The following THOC2 variants were observed in gnomAD, a reference collection of about 807,000 sequenced individuals.
THOC2 encodes THO complex subunit 2.
In THOC2, 10 loss-of-function variants were observed where a neutral mutation model predicts 128.4. The observed-to-expected ratio is 0.08, with a 90% CI of 0.05 to 0.13. THOC2 has a LOEUF of 0.13. Ranked by LOEUF, THOC2 falls within the 10% of genes least tolerant of loss-of-function variation. THOC2 has a pLI of 1.00. For missense variants in THOC2, 535 were observed against 1,155.7 expected (o/e 0.46, Z 7.79); for synonymous variants, 393 against 396.9 (o/e 0.99, Z 0.12).
chrX:123,638,769 T>TACACAC (rs745502483), intron 17 of THOC2, among the ~76,000 whole-genome samples, 165 bp downstream of exon 17: 7 of 93,597 alleles, frequency 7.5e-5, no homozygotes, highest in African/African-American at 1.9e-4. Context: ...CTCTCTCACA[T>TACACAC]ACACACACAC....
intron 1 of THOC2, among the ~76,000 whole-genome samples, chrX:123,720,608 C>T (rs1194635655): frequency 8.9e-6 from 1 of 111,819 alleles, no homozygotes; most frequent in African/African-American, 3.2e-5. Context: ...GATAGCTGCA[C>T]TCCCATGTTC....
In THOC2 at chrX:123,706,935, G is replaced by A; in HGVS notation, c.145C>T (p.Leu49Phe). The change falls in exon 3 of 39, where the codon CTC becomes TTC. Residue 49 changes from leucine to phenylalanine, a missense_variant. Leu to Phe is a conservative substitution (Grantham distance 22). Coordinates refer to ENST00000245838, the MANE Select transcript of THOC2 (RefSeq NM_001081550.2). The part of the protein sequence containing the change: ...SSTYRDFQQA[L>F]YELSYHVIKG... ...ATTACATGATATGACAACTCATAGA[G>A]AGCTTGCTGGAAATCTGTTGAACAT... The A allele has an allele frequency of 8.9e-7, 1 of 1,126,969 alleles. No individual in the cohort carries two copies. Among genetic ancestry groups the A allele is most frequent in the Non-Finnish European group, 1.2e-6 (1 of 841,515 alleles). 92.9% of individuals were successfully genotyped at this position (1,126,969 alleles called of 1,213,427 possible).
At chrX:123,603,924 G>A (rs2147503320) in intron 38 of THOC2, 1 of 127,908 alleles carries the variant, frequency 7.8e-6, no homozygotes, top group African/African-American at 3.2e-5. Flanking sequence ...TCATCAAGAA[G>A]AAAGTTGCAT....
chrX:123,611,512 G>T lies in THOC2; in HGVS notation c.4682C>A (p.Ser1561Tyr). Residue 1561 changes from serine to tyrosine, a missense_variant, in exon 37 of 39, where the codon TCC becomes TAC. Around this residue, in one of 9 missense-constraint regions of THOC2, gnomAD observed 39 missense variants for 93.1 expected, o/e 0.42. Coordinates refer to ENST00000245838, the MANE Select transcript of THOC2 (RefSeq NM_001081550.2). ...DKISSGGKKE[S>Y]RHDKEKIEKK... ...TTCTATCTTTTCTTTATCATGCCTG[G>T]ACTCCTATAAGAAATAGTAGAATTA... 8.7e-7 allele frequency: 1 copy of T among 1,153,439 alleles called. No individual in the cohort carries two copies. The highest frequency in any genetic ancestry group is 1.2e-6 in the Non-Finnish European group (1 of 844,857).
chrX:123,628,947 G>A (rs1381652754), intron 22 of THOC2, among the ~76,000 whole-genome samples: 1 of 108,736 alleles, frequency 9.2e-6, no homozygotes, highest in Admixed American at 1.0e-4. Context: ...GTGGTATATT[G>A]AAGTTTAAAG....
intron 8 of THOC2, among the ~76,000 whole-genome samples, chrX:123,680,073 G>A (rs1334301763): frequency 9.0e-6 from 1 of 111,564 alleles, no homozygotes; most frequent in African/African-American, 3.3e-5. Context: ...CCCCCAGTCC[G>A]ACACCCGTAA....
intron 2 of THOC2, among the ~76,000 whole-genome samples, chrX:123,711,723 C>T (rs1426823935): frequency 1.8e-5 from 2 of 110,469 alleles, no homozygotes; most frequent in Non-Finnish European, 3.8e-5. Context: ...GCAGAGGTTA[C>T]AGTGAGCTGA....
chrX:123,715,155 C>T (rs193072043), intron 1 of THOC2, among the ~76,000 whole-genome samples: 2 of 107,821 alleles, frequency 1.9e-5, no homozygotes, highest in Non-Finnish European at 3.8e-5. Flanking sequence ...CACCACCCCC[C>T]CAACATCCCA....
At chrX:123,676,276 CA>C (rs895948449) in intron 8 of THOC2, among the ~76,000 whole-genome samples, 6 of 111,883 alleles carry the variant, frequency 5.4e-5, no homozygotes, top group African/African-American at 2.0e-4. Flanking sequence ...TCAAAAGATA[CA>C]AAAGTAGGCC....
At chrX:123,634,961 C>A (rs988038345) in intron 19 of THOC2, among the ~76,000 whole-genome samples, 17 of 111,973 alleles carry the variant, frequency 1.5e-4, no homozygotes, top group Non-Finnish European at 3.0e-4. Context: ...TAAAAACATT[C>A]TTTCCTAAAA....
chrX:123,725,456 A>C (rs1238777611), intron 1 of THOC2, among the ~76,000 whole-genome samples: 1 of 107,067 alleles, frequency 9.3e-6, no homozygotes, highest in Non-Finnish European at 1.9e-5. Context: ...AGAAAAAAAA[A>C]GTAGCCAAGT....
Position 123,667,290 on chromosome X carries a change from T to C in THOC2, c.1018-12A>G, listed in dbSNP as rs1245664157. Reference sequence around the variant, plus strand: ...TGGTTATCAGGTGGCTAAAAATGAATAGTCAAAACTAAGATACTCAGGATA... The same window carrying C: ...TGGTTATCAGGTGGCTAAAAATGAACAGTCAAAACTAAGATACTCAGGATA... On this transcript the variant is annotated splice_polypyrimidine_tract_variant and intron_variant, in intron 10 of 38. Transcript: ENST00000245838. 27 of 1,164,618 alleles carry C rather than the reference T, an allele frequency of 2.3e-5. No homozygotes were observed. The highest frequency in any genetic ancestry group is 2.9e-5 in the Non-Finnish European group (25 of 863,713).
chrX:123,669,516 A>G (rs2049180444), intron 9 of THOC2, among the ~76,000 whole-genome samples: 1 of 110,460 alleles, frequency 9.1e-6, no homozygotes, highest in African/African-American at 3.3e-5. Flanking sequence ...GGATTTCAGC[A>G]TGTTGGTCAG....
intron 33 of THOC2, among the ~76,000 whole-genome samples, chrX:123,618,849 A>AT (rs1244565822): frequency 2.7e-5 from 3 of 111,697 alleles, no homozygotes; most frequent in Non-Finnish European, 5.7e-5. Context: ...ATTCCTGTCC[A>AT]GGGGAATGAT....
chrX:123,655,995 C>T (rs999044613), intron 12 of THOC2, among the ~76,000 whole-genome samples: 1 of 106,502 alleles, frequency 9.4e-6, no homozygotes, highest in Non-Finnish European at 1.9e-5. Flanking sequence ...TCTAGCCTGG[C>T]GACAAAGCAA....
intron 1 of THOC2, among the ~76,000 whole-genome samples, chrX:123,718,456 C>CA (rs765415370): frequency 2.6e-3 from 286 of 111,768 alleles, no homozygotes; most frequent in Middle Eastern, 0.023. Context: ...TTACATCAAA[C>CA]AAAAAAAGTT....
At chrX:123,610,112 A>T (rs1397891587) in intron 38 of THOC2, 2 of 111,013 alleles carry the variant, frequency 1.8e-5, no homozygotes, top group Non-Finnish European at 3.8e-5. Flanking sequence ...TTAGGGGGCA[A>T]ATTGTCCTAC....
Position 123,624,705 on chromosome X carries a change from T to C in THOC2, c.3058-36A>G. The C allele has an allele frequency of 1.7e-6, 2 of 1,159,808 alleles. 1 individual carries two copies. Among genetic ancestry groups the C allele is most frequent in the South Asian group, 3.7e-5 (2 of 53,401 alleles). Reference sequence around the variant, plus strand: ...AAAATGTTTAAAAAATATAAACAAATCAAGGTCAAAATCAGTTAAAAATAT... The same window carrying C: ...AAAATGTTTAAAAAATATAAACAAACCAAGGTCAAAATCAGTTAAAAATAT... On this transcript the variant is annotated intron_variant, in intron 25 of 38. Coordinates refer to ENST00000245838, the MANE Select transcript of THOC2 (RefSeq NM_001081550.2).
rs773375968 is a variant in THOC2 at position 123,621,301 on chromosome X, C to T, written c.4072G>A (p.Glu1358Lys). 1 of 1,211,093 alleles carries T rather than the reference C, an allele frequency of 8.3e-7. No homozygotes were observed. Among genetic ancestry groups the T allele is most frequent in the Admixed American group, 2.2e-5 (1 of 46,003 alleles). ...NAESKSTQEREREKEPSRERD... is the reference protein window; with the variant it reads ...NAESKSTQERKREKEPSRERD... The stretch of plus-strand genomic sequence containing the variant: ...TCTCTGGATGGCTCCTTCTCTCTTT[C>T]CCTTTCTTGAGTTGATTTTGATTCT... The change falls in exon 31 of 39, where the codon GAA (glutamate) becomes AAA (lysine). Residue 1358 changes from glutamate (E) to lysine (K), a missense_variant. Physicochemically the swap from Glu to Lys is moderately conservative, Grantham distance 56. Transcript: ENST00000245838.
Sources: gnomAD v4.1 joint callset for allele counts (sites outside exome capture counted in the v4.1 genomes callset) on GRCh38, gnomAD v4.1.1 for gene constraint, gnomAD v4.1.1 regional missense constraint, MANE v1.5 for transcripts, NCBI Gene and HGNC (gene_info 2026-07-23, HGNC 2026-07-21) for gene names.